ADAM29: variants seen among roughly 807,000 people sequenced by gnomAD.
The protein encoded by ADAM29 is disintegrin and metalloproteinase domain-containing protein 29.
For missense variants in ADAM29, 969 were observed against 1,001.8 expected (o/e 0.97, Z 0.44); for synonymous variants, 367 against 342.3 (o/e 1.07, Z -0.80).
intron 4 of ADAM29, among the ~76,000 whole-genome samples, chr4:174,967,171 C>T (rs1746202757): frequency 6.6e-6 from 1 of 152,172 alleles, no homozygotes; most frequent in Non-Finnish European, 1.5e-5. Flanking sequence ...AAGCCCACCT[C>T]TGAAGTTTTG....
intron 4 of ADAM29, among the ~76,000 whole-genome samples, chr4:174,963,837 G>A (rs913831218): frequency 6.6e-6 from 1 of 151,970 alleles, no homozygotes; most frequent in Non-Finnish European, 1.5e-5. Flanking sequence ...GCCCACCACT[G>A]TGCCCAGCTA....
chr4:174,940,428 C>T (rs1744464616), intron 4 of ADAM29, among the ~76,000 whole-genome samples: 2 of 152,066 alleles, frequency 1.3e-5, no homozygotes, highest in Admixed American at 6.6e-5. Flanking sequence ...CTATAGGGTC[C>T]ATAAAGTCCC....
At chr4:174,938,480 G>C (rs777813517) in intron 4 of ADAM29, among the ~76,000 whole-genome samples, 6 of 152,038 alleles carry the variant, frequency 3.9e-5, no homozygotes, top group Non-Finnish European at 7.4e-5. Context: ...TTATGAAGGA[G>C]GAGGAAAAAC....
intron 4 of ADAM29, among the ~76,000 whole-genome samples, chr4:174,937,608 A>G (rs946936368): frequency 1.3e-5 from 2 of 151,948 alleles, no homozygotes; most frequent in African/African-American, 2.4e-5. Context: ...AACAGATCAT[A>G]TTTCCTTTCC....
chr4:174,968,771 C>CCACACA (rs36211576), intron 4 of ADAM29, among the ~76,000 whole-genome samples: 3,847 of 148,758 alleles, frequency 0.026, 62 homozygotes, highest in Non-Finnish European at 0.043. Context: ...CACTTTCCGC[C>CCACACA]CACACACACA....
chr4:174,974,191 G>A (rs1746623116), intron 4 of ADAM29, among the ~76,000 whole-genome samples: 1 of 152,194 alleles, frequency 6.6e-6, no homozygotes. Flanking sequence ...CTCTAAAGAA[G>A]GGGCTGGAGC....
At chr4:174,966,782 T>C (rs541464788) in intron 4 of ADAM29, among the ~76,000 whole-genome samples, 10 of 152,308 alleles carry the variant, frequency 6.6e-5, no homozygotes, top group East Asian at 1.9e-4. Flanking sequence ...GCATCCCCAA[T>C]GATCTCTGAA....
intron 4 of ADAM29, among the ~76,000 whole-genome samples, chr4:174,967,485 A>G (rs1746221134): frequency 6.6e-6 from 1 of 152,020 alleles, no homozygotes; most frequent in African/African-American, 2.4e-5. Context: ...GCTCTCATAT[A>G]TTGCTTCATT....
intron 4 of ADAM29, among the ~76,000 whole-genome samples, chr4:174,937,338 G>A (rs779703108): frequency 6.6e-6 from 1 of 151,904 alleles, no homozygotes; most frequent in Non-Finnish European, 1.5e-5. Flanking sequence ...TATTTTCTCA[G>A]CTATCATCAA....
intron 4 of ADAM29, among the ~76,000 whole-genome samples, chr4:174,953,551 G>A (rs1279163362): frequency 6.6e-6 from 1 of 152,128 alleles, no homozygotes; most frequent in Non-Finnish European, 1.5e-5. Flanking sequence ...AACTGGCCCA[G>A]ATATACAGCA....
intron 4 of ADAM29, among the ~76,000 whole-genome samples, chr4:174,955,715 T>G (rs1394469646): frequency 6.6e-6 from 1 of 152,062 alleles, no homozygotes; most frequent in African/African-American, 2.4e-5. Context: ...AAAGATCAAA[T>G]ATGTATATTA....
At chr4:174,944,244 A>G (rs1332378300) in intron 4 of ADAM29, among the ~76,000 whole-genome samples, 1 of 152,124 alleles carries the variant, frequency 6.6e-6, no homozygotes, top group Non-Finnish European at 1.5e-5. Context: ...GAAAAAAAAG[A>G]AATCACCCAT....
intron 4 of ADAM29, among the ~76,000 whole-genome samples, chr4:174,941,921 G>T (rs528715764): frequency 6.6e-6 from 1 of 152,278 alleles, no homozygotes; most frequent in Admixed American, 6.5e-5. Flanking sequence ...GATACAAAGG[G>T]GGTAGAGGAA....
chr4:174,926,435 C>G (rs1380121789), intron 2 of ADAM29, among the ~76,000 whole-genome samples: 2 of 151,792 alleles, frequency 1.3e-5, no homozygotes, highest in Non-Finnish European at 2.9e-5. Context: ...TTTAATAAGG[C>G]AAAAGTATAA....
At chr4:174,957,512 AGTT>A (rs1441653146) in intron 4 of ADAM29, among the ~76,000 whole-genome samples, 1 of 151,818 alleles carries the variant, frequency 6.6e-6, no homozygotes, top group East Asian at 1.9e-4. Context: ...TTTATAACTT[AGTT>A]GTTGCACCAG....
chr4:174,946,246 T>C (rs1367760686), intron 4 of ADAM29, among the ~76,000 whole-genome samples: 1 of 152,146 alleles, frequency 6.6e-6, no homozygotes, highest in Non-Finnish European at 1.5e-5. Context: ...TTATACTTTA[T>C]ACTTTTTTGG....
chr4:174,943,555 C>T (rs1232767049), intron 4 of ADAM29, among the ~76,000 whole-genome samples: 1 of 152,072 alleles, frequency 6.6e-6, no homozygotes, highest in Non-Finnish European at 1.5e-5. Context: ...TTCCATCAAC[C>T]ATCAGGTCTC....
At chr4:174,926,271 AT>A (rs1224802330) in intron 2 of ADAM29, among the ~76,000 whole-genome samples, 4 of 152,152 alleles carry the variant, frequency 2.6e-5, no homozygotes, top group Non-Finnish European at 5.9e-5. Flanking sequence ...AACGCTTCAA[AT>A]TGATGCTCAG....
chr4:174,930,158 G>A (rs1235266873), intron 2 of ADAM29, among the ~76,000 whole-genome samples: 1 of 152,076 alleles, frequency 6.6e-6, no homozygotes, highest in Non-Finnish European at 1.5e-5. Context: ...TCGATCTCCT[G>A]ACCTCAAGTA....
Sources: gnomAD v4.1 joint callset for allele counts (sites outside exome capture counted in the v4.1 genomes callset) on GRCh38, gnomAD v4.1.1 for gene constraint, MANE v1.5 for transcripts, NCBI Gene and HGNC (gene_info 2026-07-23, HGNC 2026-07-21) for gene names.